Variants in GRK4 observed in about 807,000 individuals in gnomAD.
GRK4 encodes G protein-coupled receptor kinase 2-like.
GRK4 carries 73 observed loss-of-function variants against 77.9 expected under a neutral mutation model. The ratio of observed to expected loss-of-function variants is 0.94; its 90% CI spans 0.78 to 1.14. The LOEUF is 1.14. Ranked by LOEUF, GRK4 falls within the 50% of genes most tolerant of loss-of-function variation. The probability of loss-of-function intolerance (pLI) is 0.00; values close to 1 mark genes in which losing one functional copy is unlikely to be tolerated. For synonymous variants in GRK4, 257 were observed against 254.4 expected, an observed-to-expected ratio of 1.01 and a Z score of -0.10; for missense variants, 729 against 700.2, an observed-to-expected ratio of 1.04 and a Z score of -0.46.
intron 1 of GRK4, among the ~76,000 whole-genome samples, chr4:2,981,180 G>A (rs762335958): frequency 3.3e-5 from 5 of 152,196 alleles, no homozygotes; most frequent in Admixed American, 6.5e-5. Flanking sequence ...CCTAAGTCTC[G>A]GCTCCCCAAG....
At chr4:2,972,746 T>G (rs936033375) in intron 1 of GRK4, among the ~76,000 whole-genome samples, 2 of 152,100 alleles carry the variant, frequency 1.3e-5, no homozygotes, top group African/African-American at 2.4e-5. Flanking sequence ...TAAAAAAATT[T>G]TTTTTTGAGA....
chr4:3,012,358 G>T (rs1014579444), intron 7 of GRK4, among the ~76,000 whole-genome samples: 4 of 152,174 alleles, frequency 2.6e-5, no homozygotes, highest in African/African-American at 7.2e-5. Context: ...GCCATGAAAG[G>T]CTGGAGTGGT....
chr4:2,964,055 G>A lies in GRK4; in HGVS notation c.-16G>A. 1 of 1,608,040 alleles carries A rather than the reference G, an allele frequency of 6.2e-7. No homozygotes were observed. The highest frequency in any genetic ancestry group is 2.2e-5 in the East Asian group (1 of 44,680). Reference sequence around the variant, plus strand: ...CTCGGTCTCGCAGAATCCGCCGGCGGCGGCGGCGCCAGGACATGGAGCTCG... The same window carrying A: ...CTCGGTCTCGCAGAATCCGCCGGCGACGGCGGCGCCAGGACATGGAGCTCG... On this transcript the variant is annotated 5_prime_UTR_variant, in exon 1 of 16. Coordinates refer to ENST00000398052, the MANE Select transcript of GRK4 (RefSeq NM_182982.3).
intron 5 of GRK4, among the ~76,000 whole-genome samples, chr4:3,007,461 G>A (rs1423967383): frequency 6.6e-6 from 1 of 152,172 alleles, no homozygotes; most frequent in Non-Finnish European, 1.5e-5. Context: ...CACATGGGAA[G>A]CATGCTGCTT....
At chr4:2,965,140 T>C (rs1160277960) in intron 1 of GRK4, 3 of 615,530 alleles carry the variant, frequency 4.9e-6, no homozygotes, top group Non-Finnish European at 8.7e-6. Flanking sequence ...AAAATCCTGC[T>C]TAGTCTTTGT....
chr4:3,035,363 G>T, intron 12 of GRK4, 23 bp from the exon 13 acceptor site: 1 of 1,613,494 alleles, frequency 6.2e-7, no homozygotes, highest in South Asian at 1.1e-5. Flanking sequence ...GGCTCAAGTG[G>T]GTTGCATTTC....
intron 1 of GRK4, among the ~76,000 whole-genome samples, chr4:2,973,930 C>G (rs1012535235): frequency 1.3e-5 from 2 of 152,230 alleles, no homozygotes; most frequent in African/African-American, 4.8e-5. Context: ...TGCCTCCACA[C>G]GGTTTCCTCT....
At chr4:3,003,652 A>G (rs142953863) in intron 4 of GRK4, among the ~76,000 whole-genome samples, 3 of 152,186 alleles carry the variant, frequency 2.0e-5, no homozygotes, top group African/African-American at 4.8e-5. Context: ...GTTTTTTGCT[A>G]TGGTGAATTA....
rs1732325424 is a variant in GRK4, at chr4:3,009,675, A to T, written c.564A>T (p.Arg188Ser). ...ERQPVTKNTF[R>S]HYRVLGKGGF... ...AACCCGTAACAAAGAACACATTTAG[A>T]CATTACAGAGTTCTAGGAAAAGGCG... is the stretch of plus-strand genomic sequence containing the variant. The change falls in exon 7 of 16, where the codon AGA becomes AGT. Residue 188 changes from arginine to serine, a missense_variant. Coordinates refer to ENST00000398052, the MANE Select transcript of GRK4 (RefSeq NM_182982.3). 1 of 1,613,866 alleles carries T rather than the reference A, an allele frequency of 6.2e-7. No homozygotes were observed. Among genetic ancestry groups the T allele is most frequent in the Non-Finnish European group, 8.5e-7 (1 of 1,179,888 alleles).
At position 3,029,404 on chromosome 4, in the gene GRK4, A is replaced by C; in HGVS notation, c.1264A>C (p.Arg422=). ...KFSEDAKSIC[R]MLLTKNPSKR... is the part of the protein sequence containing the mutation. ...TTCAGAGGATGCCAAATCTATCTGC[A>C]GGATGGTAAGTCAGGCTCTGTAGAG... The change falls in exon 12 of 16, where the codon AGG becomes CGG. Residue 422 remains arginine, a synonymous_variant. Coordinates refer to ENST00000398052, the MANE Select transcript of GRK4 (RefSeq NM_182982.3). The C allele has an allele frequency of 6.2e-7, 1 of 1,612,712 alleles. No homozygotes were observed. Among genetic ancestry groups the C allele is most frequent in the Non-Finnish European group, 8.5e-7 (1 of 1,178,776 alleles).
rs140315626 is a variant in GRK4, at chr4:2,988,576, A to AAACAAACAACAAC, written c.149-146_149-145insACAACAACAACAA. ...ACAGAGGAGGGAGACTGTCTGAAAC[A>AAACAAACAACAAC]AACAACAACAACAACAACAAGATGA... On this transcript the variant is annotated intron_variant, in intron 2 of 15. Transcript: ENST00000398052. The AAACAAACAACAAC allele has an allele frequency of 6.0e-6, 3 of 500,056 alleles. No individual in the cohort carries two copies. The South Asian group carries it at 6.2e-5, about 10-fold the overall frequency. 31.0% of individuals were successfully genotyped at this position (500,056 alleles called of 1,614,324 possible).
rs1180547948 is a variant in GRK4 at position 2,998,296 on chromosome 4, G to T, written c.340-5935G>T. 2.6e-5 allele frequency among the ~76,000 whole-genome samples: 4 copies of T among 151,786 alleles called. No homozygotes were observed. The South Asian group carries it at 6.2e-4, about 24-fold the overall frequency. ...TGCTTGAACCCGGGAGGAGGAGGTT[G>T]CAGTGAGCCAAGGTTGTGCCATTGC... On this transcript the variant is annotated intron_variant, in intron 4 of 15. Coordinates refer to ENST00000398052, the MANE Select transcript of GRK4 (RefSeq NM_182982.3).
At chr4:2,964,191 C>T in intron 1 of GRK4, 69 bp downstream of exon 1, 1 of 1,298,108 alleles carries the variant, frequency 7.7e-7, no homozygotes, top group Non-Finnish European at 1.1e-6. Context: ...CCCTGGCCCC[C>T]CTGAAGGAAC....
intron 12 of GRK4, among the ~76,000 whole-genome samples, chr4:3,033,850 G>T (rs1357995479): frequency 1.3e-5 from 2 of 152,212 alleles, no homozygotes; most frequent in Admixed American, 6.5e-5. Context: ...CTCCCAAAAT[G>T]CTGGGATTAC....
intron 3 of GRK4, among the ~76,000 whole-genome samples, chr4:2,990,699 C>T (rs1725899468): frequency 6.6e-6 from 1 of 152,146 alleles, no homozygotes; most frequent in Non-Finnish European, 1.5e-5. Context: ...ACCTACTGTT[C>T]TTCCTTACGT....
chr4:2,983,884 T>C (rs1723514311), intron 1 of GRK4, among the ~76,000 whole-genome samples: 1 of 152,004 alleles, frequency 6.6e-6, no homozygotes, highest in South Asian at 2.1e-4. Context: ...AGGCACGTCT[T>C]ACATGGTGGC....
intron 10 of GRK4, among the ~76,000 whole-genome samples, chr4:3,024,917 G>A (rs778330247): frequency 6.6e-6 from 1 of 152,096 alleles, no homozygotes; most frequent in Non-Finnish European, 1.5e-5. Flanking sequence ...TTTCTTTGCA[G>A]TTCTTTTAGT....
intron 10 of GRK4, among the ~76,000 whole-genome samples, chr4:3,025,701 T>G (rs1737336486): frequency 6.6e-6 from 1 of 152,122 alleles, no homozygotes; most frequent in African/African-American, 2.4e-5. Flanking sequence ...AGCAATCTAA[T>G]TTTTTAATGT....
Position 3,029,185 on chromosome 4 carries a change from T to G in GRK4, c.1061-16T>G. On this transcript the variant is annotated splice_polypyrimidine_tract_variant and intron_variant, in intron 11 of 15. Transcript: ENST00000398052. ...AAAATTTAACTTAATTTCCATTTCC[T>G]GTATTTGTTATGTAGCACCTGAAGT... is the stretch of plus-strand genomic sequence containing the variant. 1 of 1,576,974 alleles carries G rather than the reference T, an allele frequency of 6.3e-7. No homozygotes were observed. The highest frequency in any genetic ancestry group is 8.7e-7 in the Non-Finnish European group (1 of 1,152,642).
Sources: gnomAD v4.1 joint callset for allele counts (sites outside exome capture counted in the v4.1 genomes callset) on GRCh38, gnomAD v4.1.1 for gene constraint, MANE v1.5 for transcripts, NCBI Gene and HGNC (gene_info 2026-07-23, HGNC 2026-07-21) for gene names.